Variants in MDN1 observed in about 807,000 individuals in gnomAD.
MDN1 encodes the protein midasin AAA ATPase 1.
MDN1 carries 266 observed loss-of-function variants against 669.2 expected under a neutral mutation model. The observed-to-expected ratio is 0.40, with a 90% confidence interval of 0.36 to 0.44. MDN1 has a LOEUF of 0.44. Among genes scored for constraint, MDN1 ranks in the 20% least tolerant of loss-of-function variants. MDN1 has a pLI of 1.00. For synonymous variants in MDN1, 2,385 were observed against 2,457.1 expected (o/e 0.97, Z 0.87); for missense variants, 5,940 against 6,754.0 (o/e 0.88, Z 4.22).
intron 82 of MDN1, 135 bp downstream of exon 82, chr6:89,672,065 A>G: frequency 1.1e-6 from 1 of 875,112 alleles, no homozygotes; most frequent in Non-Finnish European, 1.6e-6. Flanking sequence ...CGTATAAATA[A>G]AGAGACCAAG....
Position 89,730,916 on chromosome 6 carries a change from A to G in MDN1, c.4950T>C (p.Thr1650=). 1 of 1,613,834 alleles carries G rather than the reference A, an allele frequency of 6.2e-7. No homozygotes were observed. Among genetic ancestry groups the G allele is most frequent in the Non-Finnish European group, 8.5e-7 (1 of 1,179,850 alleles). Residue 1650 remains threonine, a synonymous_variant, in exon 35 of 102, where the codon ACT becomes ACC. Transcript: ENST00000369393. ...AAAGGGCTGTACCAAACCCAGAGGAAGTTACCCCTAAAAGACAGAGGATCA... is the reference window on the plus strand; with the variant it reads ...AAAGGGCTGTACCAAACCCAGAGGAGGTTACCCCTAAAAGACAGAGGATCA... ...VYIDGIGSGV[T]SSGFGTALLA... is the part of the protein sequence containing the mutation.
Position 89,690,851 on chromosome 6 carries a change from C to G in MDN1, c.10588-17G>C. 1 of 1,611,386 alleles carries G rather than the reference C, an allele frequency of 6.2e-7. No homozygotes were observed. Among genetic ancestry groups the G allele is most frequent in the Non-Finnish European group, 8.5e-7 (1 of 1,178,816 alleles). On this transcript the variant is annotated splice_polypyrimidine_tract_variant and intron_variant, in intron 63 of 101. Transcript: ENST00000369393. The stretch of plus-strand genomic sequence containing the variant: ...GATGATTTCCTGAAAGTCACACAGA[C>G]AGAAAGAAGCTGAGCTTTCTTTGCT...
intron 26 of MDN1, among the ~76,000 whole-genome samples, chr6:89,748,441 G>A (rs1457924657): frequency 6.6e-6 from 1 of 152,176 alleles, no homozygotes; most frequent in Non-Finnish European, 1.5e-5. Flanking sequence ...AAAGAAGTTT[G>A]ACAATGTATA....
intron 63 of MDN1, among the ~76,000 whole-genome samples, chr6:89,691,228 G>T (rs188672200): frequency 8.4e-4 from 128 of 152,312 alleles, no homozygotes; most frequent in African/African-American, 2.9e-3. Flanking sequence ...GTTCAGAAAA[G>T]AAACACTTAG....
rs1814575189 is a variant in MDN1 at position 89,718,480 on chromosome 6, T to C, written c.6469A>G (p.Lys2157Glu). ...WSHFLLTYKPKCLGEGGKAIT... is the reference protein window; with the variant it reads ...WSHFLLTYKPECLGEGGKAIT... Reference sequence around the variant, plus strand: ...GCTTTACCACCTTCTCCAAGACACTTAGGCTTATATGTCAGAAGAAAATGA... The same window carrying C: ...GCTTTACCACCTTCTCCAAGACACTCAGGCTTATATGTCAGAAGAAAATGA... Residue 2157 changes from lysine to glutamate, a missense_variant, in exon 43 of 102, where the codon AAG becomes GAG. Around this residue, in one of 5 missense-constraint regions of MDN1, gnomAD observed 2,292 missense variants for 2,638.3 expected, o/e 0.87. Transcript: ENST00000369393. 9.9e-6 allele frequency: 16 copies of C among 1,614,136 alleles called. No homozygotes were observed. The highest frequency in any genetic ancestry group is 1.2e-5 in the Non-Finnish European group (14 of 1,180,018).
chr6:89,756,472 C>A, intron 19 of MDN1, 82 bp from the exon 20 acceptor site: 1 of 659,666 alleles, frequency 1.5e-6, no homozygotes. Flanking sequence ...ACAGAAGAAG[C>A]TATGTCAGCT....
chr6:89,730,943 T>A lies in MDN1; in HGVS notation c.4943-20A>T, dbSNP rs1242723862. 1 of 1,608,316 alleles carries A rather than the reference T, an allele frequency of 6.2e-7. No homozygotes were observed. The highest frequency in any genetic ancestry group is 8.5e-7 in the Non-Finnish European group (1 of 1,175,770). ...TTACCCCTAAAAGACAGAGGATCAG[T>A]CCATGAAGCAACAGTACAACACCAA... is the stretch of plus-strand genomic sequence containing the variant. On this transcript the variant is annotated intron_variant, in intron 34 of 101. Coordinates refer to ENST00000369393, the MANE Select transcript of MDN1 (RefSeq NM_014611.3).
At chr6:89,675,283 G>A in intron 78 of MDN1, 181 bp downstream of exon 78, 1 of 583,704 alleles carries the variant, frequency 1.7e-6, no homozygotes, top group South Asian at 2.1e-5. Context: ...AGGGACACTA[G>A]AGGCATATCA....
At position 89,720,797 on chromosome 6, in the gene MDN1, A is replaced by G. The variant is rs117645333; in HGVS notation, c.5968-1572T>C. Among the ~76,000 whole-genome samples the G allele has an allele frequency of 1.4e-3, 208 of 152,302 alleles. 1 individual carries two copies. The highest frequency in any genetic ancestry group is 2.5e-3 in the Non-Finnish European group (167 of 68,014). On this transcript the variant is annotated intron_variant, in intron 40 of 101. Transcript: ENST00000369393. ...GATTGAAAGTCACCTACGTATGATA[A>G]ATGAGTTAGTGTGTAATTAGATTCT...
chr6:89,662,333 A>C, intron 86 of MDN1, 94 bp from the exon 87 acceptor site: 2 of 1,310,802 alleles, frequency 1.5e-6, no homozygotes, highest in Admixed American at 2.5e-5. Context: ...ATTTCTGCCT[A>C]TTGGACCTAT....
intron 2 of MDN1, among the ~76,000 whole-genome samples, chr6:89,798,311 C>T (rs372521810): frequency 2.0e-4 from 31 of 151,686 alleles, no homozygotes; most frequent in African/African-American, 6.8e-4. Flanking sequence ...GTTGGGAGTT[C>T]GAGACCAGCC....
chr6:89,757,064 A>C (rs915636100), intron 19 of MDN1, among the ~76,000 whole-genome samples: 1 of 152,204 alleles, frequency 6.6e-6, no homozygotes, highest in East Asian at 1.9e-4. Context: ...AGAGAAAACA[A>C]CTACTTTAAT....
chr6:89,816,673 CTTTT>C (rs538796145), intron 1 of MDN1, among the ~76,000 whole-genome samples: 1 of 138,072 alleles, frequency 7.2e-6, no homozygotes, highest in Non-Finnish European at 1.6e-5. Flanking sequence ...ACACCCCTAT[CTTTT>C]TTTTTTTTTT....
intron 33 of MDN1, among the ~76,000 whole-genome samples, chr6:89,734,691 A>AAAAAACGAGAG (rs1554188774): frequency 8.8e-6 from 1 of 112,996 alleles, no homozygotes; most frequent in Admixed American, 1.2e-4. Context: ...AAAAAAAAAC[A>AAAAAACGAGAG]AGAGAGAGAG....
At chr6:89,790,033 T>C (rs1400136221) in intron 6 of MDN1, 122 bp from the exon 7 acceptor site, 8 of 1,580,624 alleles carry the variant, frequency 5.1e-6, no homozygotes, top group Middle Eastern at 1.7e-4. Context: ...GAGGTTTACA[T>C]AGGTTGGCCC....
chr6:89,696,585 A>G lies in MDN1; in HGVS notation c.9169-11T>C, dbSNP rs773985163. On this transcript the variant is annotated splice_polypyrimidine_tract_variant and intron_variant, in intron 59 of 101. Transcript: ENST00000369393. Reference sequence around the variant, plus strand: ...GAGATTGCCGGGGCCCTAAAGGACAAGAGAAGAGTCAATAACTTTTAGAAA... The same window carrying G: ...GAGATTGCCGGGGCCCTAAAGGACAGGAGAAGAGTCAATAACTTTTAGAAA... 1.4e-5 allele frequency: 23 copies of G among 1,598,952 alleles called. No individual in the cohort carries two copies. Among genetic ancestry groups the G allele is most frequent in the Non-Finnish European group, 1.8e-5 (21 of 1,166,434 alleles).
intron 1 of MDN1, among the ~76,000 whole-genome samples, chr6:89,809,948 ACCACTATACC>A (rs1488912334): frequency 3.0e-5 from 4 of 132,962 alleles, no homozygotes; most frequent in Non-Finnish European, 6.2e-5. Flanking sequence ...CCATGATTGT[ACCACTATACC>A]CCAGCCTAGG....
In MDN1 at chr6:89,728,930, C is replaced by A; in HGVS notation, c.5349+1G>T. ...ATCAGCTGTAGGATGACCGAGCTTA[C>A]CGTTTGCTCTGATAAGTTGATTCTA... On this transcript the variant is annotated splice_donor_variant, in intron 36 of 101. Transcript: ENST00000369393. LOFTEE classifies it high-confidence loss of function. 6.2e-7 allele frequency: 1 copy of A among 1,613,300 alleles called. No homozygotes were observed. The highest frequency in any genetic ancestry group is 8.5e-7 in the Non-Finnish European group (1 of 1,179,556).
intron 75 of MDN1, among the ~76,000 whole-genome samples, chr6:89,678,050 G>C (rs755914414): frequency 6.6e-6 from 1 of 152,200 alleles, no homozygotes; most frequent in Non-Finnish European, 1.5e-5. Context: ...GAGGCGGGTG[G>C]ATCACGAGGT....
Sources: allele counts gnomAD v4.1 joint callset (sites outside exome capture counted in the v4.1 genomes callset), GRCh38; gene constraint gnomAD v4.1.1; regional missense constraint gnomAD v4.1.1; transcripts MANE v1.5; gene names NCBI Gene and HGNC (gene_info 2026-07-23, HGNC 2026-07-21).